The following TBC1D22A variants were observed in gnomAD, a reference collection of about 807,000 sequenced individuals.
TBC1D22A encodes putative GTPase activator.
Under a neutral mutation model 60.2 loss-of-function variants are expected in TBC1D22A, and 38 were observed. The observed-to-expected ratio is 0.63, with a 90% CI of 0.49 to 0.83. The LOEUF is 0.83. Among genes scored for constraint, TBC1D22A ranks in the 40% least tolerant of loss-of-function variants. The pLI is 0.00. For missense variants in TBC1D22A, 628 were observed against 701.0 expected, an observed-to-expected ratio of 0.90 and a Z score of 1.18; for synonymous variants, 302 against 281.7, an observed-to-expected ratio of 1.07 and a Z score of -0.72.
intron 4 of TBC1D22A, among the ~76,000 whole-genome samples, chr22:46,851,903 A>G (rs1451839851): frequency 6.6e-6 from 1 of 152,218 alleles, no homozygotes; most frequent in Non-Finnish European, 1.5e-5. Flanking sequence ...AGGGCACATT[A>G]AGAGGCAGGG....
At chr22:46,819,395 G>C (rs1316275897) in intron 4 of TBC1D22A, among the ~76,000 whole-genome samples, 1 of 152,088 alleles carries the variant, frequency 6.6e-6, no homozygotes, top group African/African-American at 2.4e-5. Context: ...TTATTATTTT[G>C]AGATATGTTC....
chr22:47,069,017 A>G (rs1290313309), intron 11 of TBC1D22A, among the ~76,000 whole-genome samples: 1 of 152,178 alleles, frequency 6.6e-6, no homozygotes, highest in Non-Finnish European at 1.5e-5. Flanking sequence ...GTAGGGTCCT[A>G]TTTTTAGTCC....
intron 11 of TBC1D22A, among the ~76,000 whole-genome samples, chr22:47,066,258 G>T (rs1295813881): frequency 2.0e-5 from 3 of 152,228 alleles, no homozygotes; most frequent in African/African-American, 7.2e-5. Flanking sequence ...CAATGGCAAA[G>T]CCACCTGGTG....
chr22:47,020,636 C>T (rs1226393766), intron 10 of TBC1D22A, among the ~76,000 whole-genome samples: 1 of 151,958 alleles, frequency 6.6e-6, no homozygotes, highest in African/African-American at 2.4e-5. Context: ...CTCCTCCTTG[C>T]CTTGCTGCAA....
At chr22:46,997,218 G>C (rs1302704481) in intron 9 of TBC1D22A, among the ~76,000 whole-genome samples, 2 of 152,236 alleles carry the variant, frequency 1.3e-5, no homozygotes, top group East Asian at 1.9e-4. Context: ...GTCAGCACCG[G>C]GCACCTTTGC....
chr22:46,982,397 T>A (rs1176978367), intron 9 of TBC1D22A, among the ~76,000 whole-genome samples: 1 of 152,106 alleles, frequency 6.6e-6, no homozygotes, highest in Non-Finnish European at 1.5e-5. Flanking sequence ...CTAATTTTTA[T>A]ATTTTTAGTA....
chr22:46,812,397 C>T (rs998473834), intron 4 of TBC1D22A, among the ~76,000 whole-genome samples: 3 of 152,132 alleles, frequency 2.0e-5, no homozygotes, highest in Non-Finnish European at 4.4e-5. Flanking sequence ...TGAGGAGACA[C>T]GGAGCACCCA....
At chr22:47,001,299 CTTT>C (rs11331060) in intron 10 of TBC1D22A, among the ~76,000 whole-genome samples, 33,406 of 133,752 alleles carry the variant, frequency 0.25, 4,232 homozygotes, top group East Asian at 0.28. Context: ...TTCTTTCTTT[CTTT>C]TTTTTTTTTT....
chr22:46,915,802 C>A (rs927107226), intron 8 of TBC1D22A: 1 of 456,670 alleles, frequency 2.2e-6, no homozygotes, highest in Admixed American at 2.3e-5. Flanking sequence ...TATGCTCCCA[C>A]TGGTTTCACG....
At chr22:47,101,733 G>A (rs977825647) in intron 11 of TBC1D22A, among the ~76,000 whole-genome samples, 7 of 152,216 alleles carry the variant, frequency 4.6e-5, no homozygotes, top group African/African-American at 1.4e-4. Flanking sequence ...GACAGTGGGG[G>A]CACCGAGTTA....
chr22:47,120,165 C>T (rs1435839904), intron 12 of TBC1D22A, among the ~76,000 whole-genome samples: 3 of 152,180 alleles, frequency 2.0e-5, no homozygotes, highest in African/African-American at 7.2e-5. Context: ...CAGAGGCCCT[C>T]AATCCCATGA....
At chr22:47,101,441 G>A (rs368890522) in intron 11 of TBC1D22A, among the ~76,000 whole-genome samples, 2 of 152,224 alleles carry the variant, frequency 1.3e-5, no homozygotes, top group African/African-American at 2.4e-5. Context: ...CAGCTTCTCC[G>A]TCTCTCTAGA....
intron 4 of TBC1D22A, among the ~76,000 whole-genome samples, chr22:46,866,141 G>A (rs1005944752): frequency 1.3e-5 from 2 of 152,206 alleles, no homozygotes; most frequent in Non-Finnish European, 2.9e-5. Context: ...GTCTCACTCT[G>A]TCACCCAGGC....
In TBC1D22A at chr22:47,139,432, G is replaced by T. The variant is rs73889420; in HGVS notation, c.1425+27829G>T. On this transcript the variant is annotated intron_variant, in intron 12 of 12. Transcript: ENST00000337137. ...ATGAGCCGTGGAGGGCTCCCTGCTG[G>T]GTAGGCCCGGGGTCTGCATTGTCAG... Among the ~76,000 whole-genome samples, 517 of 152,350 alleles carry T rather than the reference G, an allele frequency of 3.4e-3. 7 individuals are homozygous for T. The highest frequency in any genetic ancestry group is 0.012 in the African/African-American group (490 of 41,576).
intron 12 of TBC1D22A, among the ~76,000 whole-genome samples, chr22:47,169,996 C>G (rs1422218459): frequency 6.6e-6 from 1 of 152,196 alleles, no homozygotes; most frequent in African/African-American, 2.4e-5. Context: ...CTCTGCCTGC[C>G]TGGTGTGGGT....
At chr22:46,963,073 T>A (rs1171133892) in intron 8 of TBC1D22A, among the ~76,000 whole-genome samples, 1 of 150,858 alleles carries the variant, frequency 6.6e-6, no homozygotes, top group Non-Finnish European at 1.5e-5. Context: ...AAAAAAAAAT[T>A]AGCTGGGCGT....
At chr22:47,067,802 A>AGTGCAT (rs1321870133) in intron 11 of TBC1D22A, among the ~76,000 whole-genome samples, 59 of 152,372 alleles carry the variant, frequency 3.9e-4, no homozygotes, top group African/African-American at 1.4e-3. Flanking sequence ...GCACTCACAG[A>AGTGCAT]ACTGTGCTTT....
At chr22:47,168,638 T>C (rs2068299209) in intron 12 of TBC1D22A, among the ~76,000 whole-genome samples, 1 of 152,074 alleles carries the variant, frequency 6.6e-6, no homozygotes. Flanking sequence ...GGCCAGCCAC[T>C]CAGAGCTCAG....
At chr22:46,763,209 C>G (rs1188545187) in intron 1 of TBC1D22A, 2 of 255,678 alleles carry the variant, frequency 7.8e-6, no homozygotes, top group Non-Finnish European at 1.5e-5. Flanking sequence ...GCTGAGGCCC[C>G]CCGTCTGCTG....
Sources: gnomAD v4.1 joint callset for allele counts (sites outside exome capture counted in the v4.1 genomes callset) on GRCh38, gnomAD v4.1.1 for gene constraint, MANE v1.5 for transcripts, NCBI Gene and HGNC (gene_info 2026-07-23, HGNC 2026-07-21) for gene names.